The following PLSCR2 variants were observed in gnomAD, a reference collection of about 807,000 sequenced individuals.
PLSCR2 encodes the protein PL scramblase 2.
PLSCR2 carries 18 observed loss-of-function variants against 25.3 expected under a neutral mutation model. The ratio of observed to expected loss-of-function variants is 0.71; its 90% CI spans 0.49 to 1.06. The LOEUF (loss-of-function observed/expected upper bound fraction) is 1.06, where lower values mean the gene tolerates loss of function less well. PLSCR2 is among the 50% of genes least tolerant of loss of function. The pLI, the probability that PLSCR2 is intolerant of heterozygous loss-of-function variation, is 0.00. For missense variants in PLSCR2, 243 were observed against 269.5 expected, an observed-to-expected ratio of 0.90 and a Z score of 0.69; for synonymous variants, 88 against 87.3, an observed-to-expected ratio of 1.01 and a Z score of -0.04.
intron 1 of PLSCR2, chr3:146,469,140 C>T: frequency 1.0e-6 from 1 of 985,468 alleles, no homozygotes; most frequent in African/African-American, 1.7e-5. Context: ...ATTAACCGTC[C>T]CTTCTAATAG....
chr3:146,485,729 T>C (rs2043316039), intron 1 of PLSCR2, among the ~76,000 whole-genome samples: 3 of 152,150 alleles, frequency 2.0e-5, no homozygotes. Context: ...TCTGTTTTCA[T>C]GCTGCTGATA....
intron 8 of PLSCR2, among the ~76,000 whole-genome samples, chr3:146,434,536 G>C (rs1026374258): frequency 6.6e-6 from 1 of 151,784 alleles, no homozygotes; most frequent in Non-Finnish European, 1.5e-5. Flanking sequence ...ATGTACTTAT[G>C]TAGACTTTTA....
intron 3 of PLSCR2, among the ~76,000 whole-genome samples, chr3:146,394,409 A>G (rs953743731): frequency 6.6e-6 from 1 of 152,018 alleles, no homozygotes. Flanking sequence ...CTCAGATTAC[A>G]GGCATGTGTC....
intron 3 of PLSCR2, among the ~76,000 whole-genome samples, chr3:146,393,213 A>C (rs2107967185): frequency 6.6e-6 from 1 of 151,546 alleles, no homozygotes; most frequent in East Asian, 2.0e-4. Flanking sequence ...TATTTTCAGC[A>C]GAGACAGGGT....
At chr3:146,443,167 T>C (rs753944600) in intron 6 of PLSCR2, among the ~76,000 whole-genome samples, 4 of 152,118 alleles carry the variant, frequency 2.6e-5, no homozygotes, top group African/African-American at 4.8e-5. Context: ...GATTTTGACT[T>C]GCTAGTATTT....
intron 1 of PLSCR2, among the ~76,000 whole-genome samples, chr3:146,489,158 G>A (rs1038991342): frequency 6.6e-6 from 1 of 152,006 alleles, no homozygotes; most frequent in African/African-American, 2.4e-5. Context: ...ATACACTGGG[G>A]CATGTTGGGG....
downstream of PLSCR2, among the ~76,000 whole-genome samples, chr3:146,432,988 C>T (rs2108131423): frequency 6.6e-6 from 1 of 152,146 alleles, no homozygotes; most frequent in South Asian, 2.1e-4. Context: ...TTCTGGAATT[C>T]TTATTGTGCA....
chr3:146,409,693 G>A (rs767718977), intron 2 of PLSCR2, among the ~76,000 whole-genome samples: 52 of 152,202 alleles, frequency 3.4e-4, no homozygotes, highest in African/African-American at 1.1e-3. Flanking sequence ...CTGAAAAACC[G>A]AGAGAAAAAT....
intron 4 of PLSCR2, among the ~76,000 whole-genome samples, 159 bp downstream of exon 4, chr3:146,455,080 T>A (rs918869549): frequency 1.3e-5 from 2 of 152,182 alleles, no homozygotes; most frequent in Non-Finnish European, 2.9e-5. Context: ...TTCCCTGTTG[T>A]TTACTTGCCT....
At chr3:146,397,320 A>AT (rs1353959391) in intron 2 of PLSCR2, among the ~76,000 whole-genome samples, 2 of 151,970 alleles carry the variant, frequency 1.3e-5, no homozygotes, top group African/African-American at 2.4e-5. Flanking sequence ...ATTAATTTTA[A>AT]TTTTTTTAAA....
At chr3:146,494,091 T>C (rs2043659303) in intron 1 of PLSCR2, among the ~76,000 whole-genome samples, 1 of 152,066 alleles carries the variant, frequency 6.6e-6, no homozygotes, top group South Asian at 2.1e-4. Context: ...TTTCACATTT[T>C]TTAAGATGAC....
At chr3:146,412,197 A>C (rs1258662391) in intron 2 of PLSCR2, among the ~76,000 whole-genome samples, 1 of 152,174 alleles carries the variant, frequency 6.6e-6, no homozygotes, top group East Asian at 1.9e-4. Flanking sequence ...TTGCAGTCTC[A>C]TGCTTGCACC....
At chr3:146,407,210 T>G (rs1480526523) in intron 2 of PLSCR2, among the ~76,000 whole-genome samples, 1 of 152,150 alleles carries the variant, frequency 6.6e-6, no homozygotes, top group African/African-American at 2.4e-5. Flanking sequence ...GAGCTTCCAT[T>G]GAATGTTTAA....
At chr3:146,476,158 G>A (rs2042275791) in intron 1 of PLSCR2, among the ~76,000 whole-genome samples, 3 of 152,086 alleles carry the variant, frequency 2.0e-5, no homozygotes, top group Admixed American at 1.3e-4. Context: ...CAAGAAGAAC[G>A]AAGACAGTGT....
chr3:146,400,336 C>CTA lies in PLSCR2; in HGVS notation c.101-4417_101-4416dup, dbSNP rs551326190. 2.4e-3 allele frequency among the ~76,000 whole-genome samples: 361 copies of CTA among 151,382 alleles called. 2 individuals carry two copies. Among genetic ancestry groups the CTA allele is most frequent in the Non-Finnish European group, 2.6e-3 (177 of 67,610 alleles). On this transcript the variant is annotated intron_variant and NMD_transcript_variant, in intron 2 of 3. Transcript: ENST00000463633. ...GCAATAATTTTCTATATACAATATA[C>CTA]TATATACAAGCAACAAAAAAGTAAA...
chr3:146,446,460 C>T (rs933896690), intron 6 of PLSCR2, among the ~76,000 whole-genome samples: 11 of 152,164 alleles, frequency 7.2e-5, no homozygotes, highest in Non-Finnish European at 1.3e-4. Context: ...CAGAAGCATT[C>T]CCTGCAATAC....
At chr3:146,400,114 G>A (rs1216945240) in intron 2 of PLSCR2, among the ~76,000 whole-genome samples, 1 of 151,698 alleles carries the variant, frequency 6.6e-6, no homozygotes, top group Non-Finnish European at 1.5e-5. Context: ...GAGATTTCCA[G>A]AATCCAGAGA....
At chr3:146,469,674 G>A (rs1314992842) in intron 1 of PLSCR2, 113 bp from the exon 1 acceptor site, 1 of 537,432 alleles carries the variant, frequency 1.9e-6, no homozygotes, top group African/African-American at 2.0e-5. Flanking sequence ...TTAGGTTTCT[G>A]GACCCCAAGG....
intron 1 of PLSCR2, among the ~76,000 whole-genome samples, chr3:146,487,176 A>G (rs982850907): frequency 6.6e-6 from 1 of 152,178 alleles, no homozygotes; most frequent in Non-Finnish European, 1.5e-5. Context: ...CAAAATAATA[A>G]GAGCCATTTA....
Sources: allele counts gnomAD v4.1 joint callset (sites outside exome capture counted in the v4.1 genomes callset), GRCh38; gene constraint gnomAD v4.1.1; transcripts MANE v1.5; gene names NCBI Gene and HGNC (gene_info 2026-07-23, HGNC 2026-07-21).